ADK: variants seen among roughly 807,000 people sequenced by gnomAD.
ADK encodes N6,N6-dimethyladenosine kinase.
ADK carries 24 observed loss-of-function variants against 44.7 expected under a neutral mutation model. The observed-to-expected ratio is 0.54, with a 90% CI of 0.39 to 0.76. The LOEUF (loss-of-function observed/expected upper bound fraction) is 0.76, where lower values mean the gene tolerates loss of function less well. Ranked by LOEUF, ADK falls within the 30% of genes least tolerant of loss-of-function variation. ADK has a pLI of 0.00. For missense variants in ADK, 321 were observed against 425.1 expected, an observed-to-expected ratio of 0.76 and a Z score of 2.15; for synonymous variants, 128 against 142.6, an observed-to-expected ratio of 0.90 and a Z score of 0.73.
Position 74,525,456 on chromosome 10 carries a change from CT to C in ADK, c.726+31del, listed in dbSNP as rs775565289. On this transcript the variant is annotated intron_variant, in intron 7 of 10. Coordinates refer to ENST00000539909, the MANE Select transcript of ADK (RefSeq NM_006721.4). ...GTTACCTTTCCTTTTTCAAAAGAAC[CT>C]GGGGGTTTTTTGTTTGTTTATTTCT... The C allele has an allele frequency of 7.6e-6, 12 of 1,583,292 alleles. No individual in the cohort carries two copies. The African/African-American group carries it at 1.5e-4, about 20-fold the overall frequency.
chr10:74,674,914 T>C (rs541556751), intron 10 of ADK, among the ~76,000 whole-genome samples: 1 of 152,214 alleles, frequency 6.6e-6, no homozygotes, highest in East Asian at 1.9e-4. Flanking sequence ...ATAAAATAAT[T>C]GTCGTTGACT....
intron 7 of ADK, among the ~76,000 whole-genome samples, chr10:74,548,757 C>T (rs566077739): frequency 3.9e-5 from 6 of 152,268 alleles, no homozygotes; most frequent in Admixed American, 3.3e-4. Context: ...GCTGTATCCC[C>T]GATCCCTTAA....
intron 1 of ADK, among the ~76,000 whole-genome samples, chr10:74,198,210 A>T (rs1234560253): frequency 1.3e-5 from 2 of 152,336 alleles, no homozygotes; most frequent in East Asian, 3.9e-4. Flanking sequence ...AATCATGGTT[A>T]GATTTTACTG....
At chr10:74,504,748 G>A (rs777269412) in intron 6 of ADK, among the ~76,000 whole-genome samples, 20 of 151,938 alleles carry the variant, frequency 1.3e-4, no homozygotes, top group Non-Finnish European at 2.8e-4. Flanking sequence ...GTGAGTTCTC[G>A]TGGAACCTGT....
chr10:74,420,234 T>A (rs1041675567), intron 6 of ADK, among the ~76,000 whole-genome samples: 3 of 152,110 alleles, frequency 2.0e-5, no homozygotes, highest in Non-Finnish European at 4.4e-5. Context: ...AAATGGAAAC[T>A]TTCGTACTCT....
intron 6 of ADK, among the ~76,000 whole-genome samples, chr10:74,516,030 G>A (rs775157298): frequency 8.5e-5 from 13 of 152,248 alleles, no homozygotes; most frequent in Non-Finnish European, 1.3e-4. Flanking sequence ...TCAAGATGAC[G>A]CCATGTTACA....
At chr10:74,367,558 A>G (rs1294684923) in intron 4 of ADK, among the ~76,000 whole-genome samples, 4 of 152,152 alleles carry the variant, frequency 2.6e-5, no homozygotes, top group South Asian at 2.1e-4. Context: ...GAGTTTACCT[A>G]CTCACTAAAA....
intron 4 of ADK, among the ~76,000 whole-genome samples, chr10:74,329,006 T>C (rs184051883): frequency 6.7e-6 from 1 of 149,578 alleles, no homozygotes; most frequent in African/African-American, 2.5e-5. Flanking sequence ...TGTATACATA[T>C]GTAACTAACC....
At chr10:74,261,928 A>G (rs141797613) in intron 3 of ADK, among the ~76,000 whole-genome samples, 3 of 151,434 alleles carry the variant, frequency 2.0e-5, no homozygotes, top group Non-Finnish European at 4.4e-5. Flanking sequence ...CAGGTTTTTG[A>G]AATTTCTTCT....
chr10:74,391,137 G>T (rs533581234), intron 4 of ADK, among the ~76,000 whole-genome samples: 158 of 152,118 alleles, frequency 1.0e-3, no homozygotes, highest in African/African-American at 3.6e-3. Flanking sequence ...TGTTGTTTTT[G>T]TTCCTTATAA....
intron 3 of ADK, among the ~76,000 whole-genome samples, chr10:74,260,616 C>A (rs74986800): frequency 0.018 from 2,768 of 152,288 alleles, 92 homozygotes; most frequent in African/African-American, 0.063. Context: ...CTTTATCTCA[C>A]ACCACTTCTA....
chr10:74,647,395 G>A (rs567361996), intron 9 of ADK, among the ~76,000 whole-genome samples: 2 of 152,114 alleles, frequency 1.3e-5, no homozygotes, highest in African/African-American at 4.8e-5. Context: ...TTTACTAGAG[G>A]TAATAGTTTG....
chr10:74,554,873 A>G (rs1245217404), intron 7 of ADK, among the ~76,000 whole-genome samples: 1 of 152,148 alleles, frequency 6.6e-6, no homozygotes, highest in East Asian at 1.9e-4. Flanking sequence ...ATGATTTGGT[A>G]TATATGCAAA....
chr10:74,600,446 G>C lies in ADK; in HGVS notation c.830G>C (p.Arg277Pro), dbSNP rs562751709. The C allele has an allele frequency of 6.2e-7, 1 of 1,611,260 alleles. No homozygotes were observed. The highest frequency in any genetic ancestry group is 8.5e-7 in the Non-Finnish European group (1 of 1,178,534). Residue 277 changes from arginine (R) to proline (P), a missense_variant, in exon 9 of 11, where the codon CGA becomes CCA. Coordinates refer to ENST00000539909, the MANE Select transcript of ADK (RefSeq NM_006721.4). ...CCAAAGATGAACTCAAAGAGGCAGC[G>C]AATCGTGATCTTCACCCAAGGGAGA... Reference protein sequence around the residue: ...ALPKMNSKRQRIVIFTQGRDD... With the variant: ...ALPKMNSKRQPIVIFTQGRDD...
Position 74,618,807 on chromosome 10 carries a change from T to C in ADK, c.877+18314T>C, listed in dbSNP as rs144672988. ...AGCTGCTTTTTAGAATTTGTCAAAC[T>C]TTAACTTTATCCTTAGTTCTGGTTT... is the stretch of plus-strand genomic sequence containing the variant. On this transcript the variant is annotated intron_variant, in intron 9 of 10. Transcript: ENST00000539909. 6.5e-3 allele frequency among the ~76,000 whole-genome samples: 985 copies of C among 152,304 alleles called. 13 individuals are homozygous for C. The highest frequency in any genetic ancestry group is 0.023 in the African/African-American group (939 of 41,584).
intron 6 of ADK, among the ~76,000 whole-genome samples, chr10:74,414,014 T>C (rs1276579144): frequency 6.6e-6 from 1 of 152,186 alleles, no homozygotes; most frequent in Non-Finnish European, 1.5e-5. Flanking sequence ...AAGTTCACCA[T>C]CTTCTATGGG....
At chr10:74,165,613 A>G (rs1842014759) in intron 1 of ADK, among the ~76,000 whole-genome samples, 1 of 152,086 alleles carries the variant, frequency 6.6e-6, no homozygotes. Flanking sequence ...CAGACCCCCG[A>G]GAGGTTAAGA....
chr10:74,573,780 G>A (rs1000794761), intron 7 of ADK, among the ~76,000 whole-genome samples: 9 of 152,300 alleles, frequency 5.9e-5, no homozygotes, highest in Admixed American at 1.3e-4. Flanking sequence ...AGCAATCAGC[G>A]AGACTCCATG....
At chr10:74,229,102 T>A (rs1371786745) in intron 3 of ADK, among the ~76,000 whole-genome samples, 1 of 152,208 alleles carries the variant, frequency 6.6e-6, no homozygotes, top group Non-Finnish European at 1.5e-5. Context: ...TTTGTCAGAA[T>A]AACCCCTTAA....
Sources: allele counts gnomAD v4.1 joint callset (sites outside exome capture counted in the v4.1 genomes callset), GRCh38; gene constraint gnomAD v4.1.1; transcripts MANE v1.5; gene names NCBI Gene and HGNC (gene_info 2026-07-23, HGNC 2026-07-21).